The following DARS2 variants were observed in gnomAD, a reference collection of about 807,000 sequenced individuals.
DARS2 encodes aspartyl-tRNA synthetase 2, mitochondrial, also known as aspartate--tRNA ligase, mitochondrial.
Under a neutral mutation model 83.0 loss-of-function variants are expected in DARS2, and 63 were observed. That is an observed-to-expected ratio of 0.76 (90% CI 0.62 to 0.94). The LOEUF (loss-of-function observed/expected upper bound fraction) is 0.94, where lower values mean the gene tolerates loss of function less well. DARS2 is among the 40% of genes least tolerant of loss of function. The pLI, the probability that DARS2 is intolerant of heterozygous loss-of-function variation, is 0.00. For synonymous variants in DARS2, 250 were observed against 269.3 expected (o/e 0.93, Z 0.70); for missense variants, 675 against 774.4 (o/e 0.87, Z 1.52).
intron 15 of DARS2, among the ~76,000 whole-genome samples, chr1:173,854,320 T>G (rs1320044126): frequency 6.6e-6 from 1 of 152,122 alleles, no homozygotes; most frequent in Non-Finnish European, 1.5e-5. Context: ...ATTGGAGGAT[T>G]CACAAGATAC....
chr1:173,856,812 G>T (rs1653875365), intron 16 of DARS2, 71 bp downstream of exon 16: 4 of 1,346,034 alleles, frequency 3.0e-6, no homozygotes. Flanking sequence ...TTCTCAGTTT[G>T]TGTTGGTAGA....
intron 7 of DARS2, among the ~76,000 whole-genome samples, chr1:173,834,724 GTTTTTTTGTTTTTT>G (rs1221469345): frequency 2.7e-4 from 4 of 14,770 alleles, no homozygotes; most frequent in African/African-American, 1.0e-3. Context: ...TTTCCTTTGA[GTTTTTTTGTTTTTT>G]TTTTTTTTTT....
At chr1:173,830,510 A>C (rs1399738135) in intron 3 of DARS2, 150 bp from the exon 4 acceptor site, 1 of 680,590 alleles carries the variant, frequency 1.5e-6, no homozygotes. Context: ...TTTTTACTAA[A>C]TTTGGTAATA....
rs66665709 is a variant in DARS2, at chr1:173,850,605, C to CT, written c.1344+142dup. On this transcript the variant is annotated intron_variant, in intron 13 of 16. Coordinates refer to ENST00000649689, the MANE Select transcript of DARS2 (RefSeq NM_018122.5). Reference sequence around the variant, plus strand: ...TAAAATGGAGCTGCTCTGCATAAATCTTTTTTTTTTTTTTTTAAGAGACGG... The same window carrying CT: ...TAAAATGGAGCTGCTCTGCATAAATCTTTTTTTTTTTTTTTTTAAGAGACGG... 171,871 of 687,204 alleles carry CT rather than the reference C, an allele frequency of 0.25. 14,709 individuals carry two copies. The highest frequency in any genetic ancestry group is 0.56 in the African/African-American group (27,697 of 49,430). The allele number at this position is 687,204 out of a possible 1,614,324, so 42.6% of individuals were successfully genotyped here. A position where few individuals can be genotyped will look rare whatever the true frequency, so the allele number is the denominator to read the frequency against.
At position 173,830,741 on chromosome 1, in the gene DARS2, C is replaced by A; in HGVS notation, c.376C>A (p.Pro126Thr). ...AGTGTCTGGTACAGTCATTTCCCGT[C>A]CTGCAGGACAAGAGAATCCAGTAGG... ...VQVSGTVISR[P>T]AGQENPKMPT... Residue 126 changes from proline to threonine, a missense_variant, in exon 4 of 17, where the codon CCT becomes ACT. Physicochemically the swap from Pro to Thr is conservative, Grantham distance 38 (BLOSUM62 -1). Coordinates refer to ENST00000649689, the MANE Select transcript of DARS2 (RefSeq NM_018122.5). 2 of 1,613,918 alleles carry A rather than the reference C, an allele frequency of 1.2e-6. No homozygotes were observed. Among genetic ancestry groups the A allele is most frequent in the South Asian group, 1.1e-5 (1 of 91,074 alleles).
Position 173,857,652 on chromosome 1 carries a change from T to C in DARS2, c.1885T>C (p.Tyr629His). The C allele has an allele frequency of 6.2e-7, 1 of 1,614,112 alleles. No homozygotes were observed. The highest frequency in any genetic ancestry group is 8.5e-7 in the Non-Finnish European group (1 of 1,179,996). ...DSVPPEELKPYHIRVSKPTDS... is the reference protein window; with the variant it reads ...DSVPPEELKPHHIRVSKPTDS... The stretch of plus-strand genomic sequence containing the variant: ...TGTCCCTCCTGAGGAACTGAAGCCC[T>C]ATCATATCCGAGTCTCCAAGCCAAC... Residue 629 changes from tyrosine to histidine, a missense_variant, in exon 17 of 17, where the codon TAT (tyrosine) becomes CAT (histidine). Tyr to His is a moderately conservative substitution (Grantham distance 83). Transcript: ENST00000649689.
At chr1:173,846,001 C>CA (rs200638874) in intron 12 of DARS2, among the ~76,000 whole-genome samples, 1,799 of 152,038 alleles carry the variant, frequency 0.012, 46 homozygotes, top group African/African-American at 0.042. Flanking sequence ...ACTAAAAATA[C>CA]AAAAAAATTA....
At chr1:173,844,497 C>T (rs985796455) in intron 11 of DARS2, among the ~76,000 whole-genome samples, 9 of 151,358 alleles carry the variant, frequency 5.9e-5, no homozygotes, top group South Asian at 2.1e-4. Context: ...TGGTGAAACC[C>T]CATCCCTACT....
intron 12 of DARS2, among the ~76,000 whole-genome samples, chr1:173,849,708 G>A (rs1653573530): frequency 6.6e-6 from 1 of 151,982 alleles, no homozygotes; most frequent in Admixed American, 6.6e-5. Context: ...TGCCTCCATT[G>A]TTCTTTATGC....
At chr1:173,854,177 A>C (rs1156376184) in intron 15 of DARS2, among the ~76,000 whole-genome samples, 2 of 151,986 alleles carry the variant, frequency 1.3e-5, no homozygotes, top group African/African-American at 2.4e-5. Flanking sequence ...AGATTTCCCT[A>C]TGTTGCTCAC....
At chr1:173,842,385 G>A (rs1334092131) in intron 11 of DARS2, among the ~76,000 whole-genome samples, 2 of 128,134 alleles carry the variant, frequency 1.6e-5, no homozygotes, top group Non-Finnish European at 3.1e-5. Context: ...TGCAACCTCC[G>A]CCTCCCAGGT....
At chr1:173,834,442 C>T (rs1403657775) in intron 6 of DARS2, 31 bp from the exon 7 acceptor site, 2 of 1,541,864 alleles carry the variant, frequency 1.3e-6, no homozygotes, top group Non-Finnish European at 1.8e-6. Flanking sequence ...ACATTCCTAT[C>T]TACTAAGTGA....
At chr1:173,835,577 A>C (rs1652974039) in intron 7 of DARS2, among the ~76,000 whole-genome samples, 1 of 151,818 alleles carries the variant, frequency 6.6e-6, no homozygotes, top group South Asian at 2.1e-4. Flanking sequence ...AAAGAAAAAA[A>C]ATTATTTTAA....
chr1:173,824,920 A>G lies in DARS2; in HGVS notation c.-310A>G. 1.1e-5 allele frequency: 4 copies of G among 360,282 alleles called. No individual in the cohort carries two copies. The highest frequency in any genetic ancestry group is 8.8e-5 in the South Asian group (4 of 45,482). 22.3% of individuals were successfully genotyped at this position (360,282 alleles called of 1,614,324 possible). On this transcript the variant is annotated 5_prime_UTR_variant, in exon 1 of 17. Coordinates refer to ENST00000649689, the MANE Select transcript of DARS2 (RefSeq NM_018122.5). Reference sequence around the variant, plus strand: ...TCTTGGGCTCGCGCCTGGCGCCGCTACGTGGAGTCGCTCTCTCGTCGTCAC... The same window carrying G: ...TCTTGGGCTCGCGCCTGGCGCCGCTGCGTGGAGTCGCTCTCTCGTCGTCAC...
intron 13 of DARS2, 94 bp downstream of exon 13, chr1:173,850,573 T>A: frequency 7.6e-7 from 1 of 1,309,654 alleles, no homozygotes; most frequent in Non-Finnish European, 1.1e-6. Context: ...TGTAGACTGT[T>A]AATTCATAAA....
intron 13 of DARS2, chr1:173,852,175 G>T (rs1653695462): frequency 1.0e-6 from 1 of 985,190 alleles, no homozygotes; most frequent in Admixed American, 6.2e-5. Context: ...AGATAGAATG[G>T]GCTGCAAAAT....
intron 3 of DARS2, among the ~76,000 whole-genome samples, chr1:173,830,058 C>T (rs1050221734): frequency 6.6e-6 from 1 of 150,962 alleles, no homozygotes; most frequent in African/African-American, 2.5e-5. Context: ...CTCCAGAGTG[C>T]ACACCAGAGT....
intron 2 of DARS2, among the ~76,000 whole-genome samples, chr1:173,828,046 T>C (rs938445508): frequency 1.3e-5 from 2 of 152,172 alleles, no homozygotes; most frequent in Non-Finnish European, 2.9e-5. Context: ...TTTTCATTAA[T>C]AAGCCATCTG....
At chr1:173,831,478 T>C in intron 4 of DARS2, 57 bp from the exon 5 acceptor site, 1 of 1,181,896 alleles carries the variant, frequency 8.5e-7, no homozygotes, top group South Asian at 1.2e-5. Flanking sequence ...TACAAATGTG[T>C]ATTTTGTGTA....
Sources: gnomAD v4.1 joint callset for allele counts (sites outside exome capture counted in the v4.1 genomes callset) on GRCh38, gnomAD v4.1.1 for gene constraint, MANE v1.5 for transcripts, NCBI Gene and HGNC (gene_info 2026-07-23, HGNC 2026-07-21) for gene names.